Variants in VPS13A observed in about 807,000 individuals in gnomAD.
The protein encoded by VPS13A is intermembrane lipid transfer protein VPS13A.
Under a neutral mutation model 390.9 loss-of-function variants are expected in VPS13A, and 264 were observed. That is an observed-to-expected ratio of 0.68 (90% CI 0.61 to 0.75). The LOEUF is 0.75. VPS13A is among the 30% of genes least tolerant of loss of function. The pLI, the probability that VPS13A is intolerant of heterozygous loss-of-function variation, is 0.00. For missense variants in VPS13A, 3,409 were observed against 3,733.9 expected (o/e 0.91, Z 2.27); for synonymous variants, 1,231 against 1,227.1 (o/e 1.00, Z -0.07).
intron 40 of VPS13A, 128 bp downstream of exon 40, chr9:77,317,826 TTA>T (rs1485832573): frequency 3.5e-6 from 2 of 563,434 alleles, no homozygotes; most frequent in Non-Finnish European, 6.1e-6. Flanking sequence ...AAATACGTTT[TTA>T]TGAGATATTT....
chr9:77,353,677 T>C (rs1178287787), intron 54 of VPS13A, 36 bp downstream of exon 54: 2 of 1,536,400 alleles, frequency 1.3e-6, no homozygotes, highest in Non-Finnish European at 9.0e-7. Flanking sequence ...ATTTAAATGA[T>C]CAGTTTCTAA....
chr9:77,209,877 A>T (rs1825871929), intron 6 of VPS13A, among the ~76,000 whole-genome samples: 1 of 152,202 alleles, frequency 6.6e-6, no homozygotes, highest in African/African-American at 2.4e-5. Context: ...GCCTTAAATA[A>T]TTCCTTGATC....
chr9:77,376,702 C>T (rs775979937), intron 67 of VPS13A, among the ~76,000 whole-genome samples: 4 of 151,950 alleles, frequency 2.6e-5, no homozygotes, highest in South Asian at 2.1e-4. Context: ...GGAGACATCA[C>T]GTTATTGTTG....
At position 77,311,059 on chromosome 9, in the gene VPS13A, G is replaced by C. The variant is rs189117174; in HGVS notation, c.4115-2933G>C. Among the ~76,000 whole-genome samples, 379 of 152,066 alleles carry C rather than the reference G, an allele frequency of 2.5e-3. 3 individuals are homozygous for C. The highest frequency in any genetic ancestry group is 0.02 in the East Asian group (105 of 5,154). ...CCTGCCTCAGCCTCCTGAGTAGCTGGGACTACAGGTGCCCACCACCACACC... is the reference window on the plus strand; with the variant it reads ...CCTGCCTCAGCCTCCTGAGTAGCTGCGACTACAGGTGCCCACCACCACACC... On this transcript the variant is annotated intron_variant, in intron 35 of 71. Coordinates refer to ENST00000360280, the MANE Select transcript of VPS13A (RefSeq NM_033305.3).
chr9:77,405,776 G>T (rs1272355635), intron 69 of VPS13A, 88 bp from the exon 70 acceptor site: 2 of 1,524,892 alleles, frequency 1.3e-6, no homozygotes, highest in Non-Finnish European at 1.8e-6. Context: ...TATTGCATTT[G>T]CACTTGCGAT....
At chr9:77,402,669 G>C (rs1286108492) in intron 68 of VPS13A, among the ~76,000 whole-genome samples, 1 of 152,172 alleles carries the variant, frequency 6.6e-6, no homozygotes, top group East Asian at 1.9e-4. Context: ...GTCATGGATA[G>C]ACAGTGTTTC....
intron 31 of VPS13A, among the ~76,000 whole-genome samples, chr9:77,283,887 A>G (rs978607319): frequency 6.6e-6 from 1 of 151,742 alleles, no homozygotes; most frequent in African/African-American, 2.4e-5. Flanking sequence ...GGATTACAGT[A>G]TCTCATAAAT....
In VPS13A at chr9:77,314,562, G is replaced by A. The variant is rs778681880; in HGVS notation, c.4310G>A (p.Ser1437Asn). 3 of 1,610,890 alleles carry A rather than the reference G, an allele frequency of 1.9e-6. No homozygotes were observed. The highest frequency in any genetic ancestry group is 2.5e-6 in the Non-Finnish European group (3 of 1,178,000). The change falls in exon 37 of 72, where the codon AGT becomes AAT. Residue 1437 changes from serine to asparagine, a missense_variant. By Grantham distance (46) the Ser-to-Asn change is conservative. Transcript: ENST00000360280. ...GAATTTAAATTGGAGAATATTATAA[G>A]TACTTTAAAAATGTATACAGATGGC... ...LAEFKLENII[S>N]TLKMYTDGST... is the part of the protein sequence containing the mutation.
Position 77,344,874 on chromosome 9 carries a change from C to CA in VPS13A, c.7156-131dup, listed in dbSNP as rs1831062610. The CA allele has an allele frequency of 1.2e-5, 11 of 931,046 alleles. No homozygotes were observed. In the South Asian group the frequency reaches 1.6e-4, roughly 13 times the overall value. 57.7% of individuals were successfully genotyped at this position (931,046 alleles called of 1,614,324 possible). On this transcript the variant is annotated intron_variant, in intron 51 of 71. Coordinates refer to ENST00000360280, the MANE Select transcript of VPS13A (RefSeq NM_033305.3). ...ATTATAGATTTCCAGAAATGCAGTA[C>CA]AAAATTCTGAATTGTTTTCTCAGTC...
At chr9:77,234,497 G>A (rs1278263969) in intron 17 of VPS13A, among the ~76,000 whole-genome samples, 2 of 152,136 alleles carry the variant, frequency 1.3e-5, no homozygotes, top group Non-Finnish European at 2.9e-5. Context: ...CCTGACTTAG[G>A]CTAAGTATAT....
At chr9:77,251,517 T>G (rs961526661) in intron 21 of VPS13A, among the ~76,000 whole-genome samples, 3 of 152,210 alleles carry the variant, frequency 2.0e-5, no homozygotes, top group African/African-American at 7.2e-5. Flanking sequence ...TCAGTGTGTG[T>G]ACCTGTGAAT....
At chr9:77,270,886 A>G in intron 23 of VPS13A, among the ~76,000 whole-genome samples, 1 of 152,318 alleles carries the variant, frequency 6.6e-6, no homozygotes, top group East Asian at 1.9e-4. Context: ...AGACCTAAAT[A>G]TAAAGTCCAC....
chr9:77,269,001 T>C (rs1343443744), intron 23 of VPS13A, among the ~76,000 whole-genome samples: 1 of 152,154 alleles, frequency 6.6e-6, no homozygotes, highest in East Asian at 1.9e-4. Context: ...TAGTGTTTTG[T>C]TGTATTCTTT....
At chr9:77,217,220 G>A (rs932028194) in intron 10 of VPS13A, among the ~76,000 whole-genome samples, 1 of 152,316 alleles carries the variant, frequency 6.6e-6, no homozygotes, top group East Asian at 1.9e-4. Flanking sequence ...GTTCAAACTA[G>A]CAACATCATT....
At chr9:77,298,528 A>AT (rs960703441) in intron 33 of VPS13A, among the ~76,000 whole-genome samples, 16 of 151,172 alleles carry the variant, frequency 1.1e-4, no homozygotes, top group African/African-American at 3.2e-4. Flanking sequence ...ATAGTGTATC[A>AT]TTTTTTTTTC....
Position 77,356,767 on chromosome 9 carries a change from T to A in VPS13A, c.7706T>A (p.Met2569Lys). Residue 2569 changes from methionine to lysine, a missense_variant, in exon 55 of 72, where the codon ATG becomes AAG. By Grantham distance (95) the Met-to-Lys change is moderately conservative (BLOSUM62 -1). This residue lies in a region of VPS13A where 221 missense variants were observed against 300.7 expected (regional missense o/e 0.73). Coordinates refer to ENST00000360280, the MANE Select transcript of VPS13A (RefSeq NM_033305.3). ...KPKKKARWKPMSVKHTEKLER... is the reference protein window; with the variant it reads ...KPKKKARWKPKSVKHTEKLER... ...AAGAAGAAGGCAAGATGGAAGCCAA[T>A]GAGTGTAAAGCACACTGAGAAGTTA... 6.2e-7 allele frequency: 1 copy of A among 1,613,830 alleles called. No individual in the cohort carries two copies. The highest frequency in any genetic ancestry group is 1.1e-5 in the South Asian group (1 of 91,048).
At chr9:77,238,478 A>G in intron 19 of VPS13A, 92 bp downstream of exon 19, 1 of 973,598 alleles carries the variant, frequency 1.0e-6, no homozygotes, top group Non-Finnish European at 1.6e-6. Flanking sequence ...AGTTTATTTT[A>G]AATTTATTAT....
At chr9:77,251,115 A>G (rs1217226898) in intron 21 of VPS13A, among the ~76,000 whole-genome samples, 1 of 152,200 alleles carries the variant, frequency 6.6e-6, no homozygotes, top group African/African-American at 2.4e-5. Flanking sequence ...CTTCAATTAT[A>G]TTTGCTTCAG....
At chr9:77,390,687 G>GTTGTTGTTGTTA (rs1413635913) in intron 68 of VPS13A, among the ~76,000 whole-genome samples, 1 of 130,108 alleles carries the variant, frequency 7.7e-6, no homozygotes, top group African/African-American at 3.0e-5. Flanking sequence ...TGTTGTTGTT[G>GTTGTTGTTGTTA]TTTGTTGTTG....
Sources: allele counts gnomAD v4.1 joint callset (sites outside exome capture counted in the v4.1 genomes callset), GRCh38; gene constraint gnomAD v4.1.1; regional missense constraint gnomAD v4.1.1; transcripts MANE v1.5; gene names NCBI Gene and HGNC (gene_info 2026-07-23, HGNC 2026-07-21).